The following SLC24A2 variants were observed in gnomAD, a reference collection of about 807,000 sequenced individuals.
The protein encoded by SLC24A2 is solute carrier family 24 member 2.
Under a neutral mutation model 62.0 loss-of-function variants are expected in SLC24A2, and 36 were observed. That is an observed-to-expected ratio of 0.58 (90% CI 0.44 to 0.77). The LOEUF (loss-of-function observed/expected upper bound fraction) is 0.77. SLC24A2 is among the 30% of genes least tolerant of loss of function. SLC24A2 has a pLI of 0.00. For synonymous variants in SLC24A2, 358 were observed against 294.0 expected (o/e 1.22, Z -2.23); for missense variants, 846 against 817.9 (o/e 1.03, Z -0.42).
intron 2 of SLC24A2, among the ~76,000 whole-genome samples, chr9:19,649,988 G>T (rs528611259): frequency 4.6e-5 from 7 of 152,316 alleles, no homozygotes; most frequent in African/African-American, 1.7e-4. Flanking sequence ...CAGACTGCGG[G>T]GTTGAATTCT....
At chr9:20,020,389 C>T in the SLC24A2 span, among the ~76,000 whole-genome samples, 1 of 152,114 alleles carries the variant, frequency 6.6e-6, no homozygotes, top group Non-Finnish European at 1.5e-5. Flanking sequence ...TATTATGCAG[C>T]CCTAAAAAAG....
the SLC24A2 span, among the ~76,000 whole-genome samples, chr9:20,134,203 T>C: frequency 6.6e-6 from 1 of 152,162 alleles, no homozygotes; most frequent in Non-Finnish European, 1.5e-5. Flanking sequence ...AGGTCTACCA[T>C]GATTTGAGAA....
At chr9:20,192,592 C>T in the SLC24A2 span, among the ~76,000 whole-genome samples, 1 of 152,072 alleles carries the variant, frequency 6.6e-6, no homozygotes, top group African/African-American at 2.4e-5. Context: ...TTTAAACCAG[C>T]CTCCAGGTGG....
chr9:19,688,287 A>G (rs1819943804), intron 2 of SLC24A2, among the ~76,000 whole-genome samples: 1 of 152,140 alleles, frequency 6.6e-6, no homozygotes, highest in Non-Finnish European at 1.5e-5. Context: ...ACATCATATA[A>G]CTTCTCCAGA....
chr9:20,115,860 A>G, the SLC24A2 span, among the ~76,000 whole-genome samples: 1 of 152,308 alleles, frequency 6.6e-6, no homozygotes, highest in Non-Finnish European at 1.5e-5. Flanking sequence ...AATTTGAGAC[A>G]ATTTTAAGCA....
chr9:19,524,379 A>C (rs1231302260), intron 9 of SLC24A2, among the ~76,000 whole-genome samples: 1 of 151,308 alleles, frequency 6.6e-6, no homozygotes, highest in African/African-American at 2.4e-5. Context: ...AAGTGCAAAA[A>C]CAATAAGAAA....
chr9:19,604,721 G>A (rs143548976), intron 4 of SLC24A2, among the ~76,000 whole-genome samples: 1 of 152,172 alleles, frequency 6.6e-6, no homozygotes, highest in Admixed American at 6.5e-5. Context: ...GGGAATTTGA[G>A]AACACAATGA....
the SLC24A2 span, among the ~76,000 whole-genome samples, chr9:19,850,007 T>TAAGAATAAA: frequency 6.9e-6 from 1 of 144,330 alleles, no homozygotes; most frequent in Non-Finnish European, 1.5e-5. Context: ...ATCTAAATCA[T>TAAGAATAAA]AAGAATAAAA....
At chr9:19,885,392 C>T in the SLC24A2 span, among the ~76,000 whole-genome samples, 1 of 152,160 alleles carries the variant, frequency 6.6e-6, no homozygotes, top group East Asian at 1.9e-4. Flanking sequence ...ATGGTTGTTT[C>T]AGGTGGATGA....
chr9:20,106,363 C>T, the SLC24A2 span, among the ~76,000 whole-genome samples: 16 of 152,236 alleles, frequency 1.1e-4, no homozygotes, highest in East Asian at 3.9e-4. Flanking sequence ...CCAGCATCAT[C>T]GTGATACCAA....
At chr9:20,063,861 T>C in the SLC24A2 span, among the ~76,000 whole-genome samples, 3 of 152,102 alleles carry the variant, frequency 2.0e-5, no homozygotes, top group Non-Finnish European at 2.9e-5. Flanking sequence ...AAAAATGGTA[T>C]CCTTATCAAT....
the SLC24A2 span, among the ~76,000 whole-genome samples, chr9:19,850,713 A>G: frequency 6.6e-6 from 1 of 151,790 alleles, no homozygotes; most frequent in East Asian, 1.9e-4. Flanking sequence ...GAATCATACA[A>G]TATGTAGTGT....
the SLC24A2 span, among the ~76,000 whole-genome samples, chr9:20,077,042 C>G: frequency 2.7e-5 from 4 of 150,644 alleles, no homozygotes; most frequent in Admixed American, 2.0e-4. Flanking sequence ...ATAAACCAGA[C>G]ACAGAAAAAA....
chr9:19,922,580 T>C, the SLC24A2 span, among the ~76,000 whole-genome samples: 2 of 152,202 alleles, frequency 1.3e-5, no homozygotes, highest in Non-Finnish European at 2.9e-5. Flanking sequence ...GCTGTGCACA[T>C]TGAACTGTCT....
the SLC24A2 span, among the ~76,000 whole-genome samples, chr9:20,271,747 G>A: frequency 4.0e-4 from 61 of 152,070 alleles, no homozygotes; most frequent in Admixed American, 3.4e-3. Flanking sequence ...CTTGGACTCC[G>A]TTTTGTTATT....
At chr9:19,694,889 A>G (rs751438707) in intron 2 of SLC24A2, among the ~76,000 whole-genome samples, 45 of 152,250 alleles carry the variant, frequency 3.0e-4, no homozygotes, top group South Asian at 6.2e-4. Flanking sequence ...GGAACTGTGC[A>G]AATTGCTGTA....
the SLC24A2 span, among the ~76,000 whole-genome samples, chr9:19,877,469 A>T: frequency 6.6e-6 from 1 of 151,040 alleles, no homozygotes; most frequent in African/African-American, 2.4e-5. Flanking sequence ...CTTCTTTGTG[A>T]TAGTTCCCTT....
At chr9:20,020,046 G>A in the SLC24A2 span, among the ~76,000 whole-genome samples, 34 of 152,144 alleles carry the variant, frequency 2.2e-4, 1 homozygote, top group Non-Finnish European at 3.8e-4. Context: ...AGTTAGAATG[G>A]CAATCATTAA....
At chr9:19,620,356 C>G (rs900342781) in intron 3 of SLC24A2, among the ~76,000 whole-genome samples, 2 of 152,166 alleles carry the variant, frequency 1.3e-5, no homozygotes, top group Non-Finnish European at 2.9e-5. Context: ...CCTGGGCTAC[C>G]TCATCTCTAC....
Sources: gnomAD v4.1 joint callset for allele counts (sites outside exome capture counted in the v4.1 genomes callset) on GRCh38, gnomAD v4.1.1 for gene constraint, MANE v1.5 for transcripts, NCBI Gene and HGNC (gene_info 2026-07-23, HGNC 2026-07-21) for gene names.